The following SEL1L2 variants were observed in gnomAD, a reference collection of about 807,000 sequenced individuals.
SEL1L2 encodes the protein SEL1L2 adaptor subunit of SYVN1 ubiquitin ligase, also known as protein sel-1 homolog 2.
In SEL1L2, 89 loss-of-function variants were observed where a neutral mutation model predicts 98.8. The ratio of observed to expected loss-of-function variants is 0.90; its 90% CI spans 0.76 to 1.07. The LOEUF (loss-of-function observed/expected upper bound fraction) is 1.07. Ranked by LOEUF, SEL1L2 falls within the 50% of genes least tolerant of loss-of-function variation. The probability of loss-of-function intolerance (pLI) is 0.00; values close to 1 mark genes in which losing one functional copy is unlikely to be tolerated. For missense variants in SEL1L2, 788 were observed against 812.0 expected (o/e 0.97, Z 0.36); for synonymous variants, 262 against 278.5 (o/e 0.94, Z 0.59).
chr20:13,989,950 G>A, intron 1 of SEL1L2, among the ~76,000 whole-genome samples: 1 of 151,682 alleles, frequency 6.6e-6, no homozygotes, highest in African/African-American at 2.4e-5. Context: ...ATGAGGATTG[G>A]GTAAAAAGTA....
intron 4 of SEL1L2, among the ~76,000 whole-genome samples, chr20:13,918,380 G>A (rs1342055969): frequency 1.3e-5 from 2 of 152,146 alleles, no homozygotes; most frequent in African/African-American, 4.8e-5. Flanking sequence ...CTGGAAGTGT[G>A]GAGTGGAGGG....
chr20:13,869,341 C>T (rs1413385778), intron 14 of SEL1L2, among the ~76,000 whole-genome samples, 162 bp downstream of exon 14: 4 of 152,190 alleles, frequency 2.6e-5, no homozygotes, highest in Non-Finnish European at 4.4e-5. Context: ...CCCTCCCAAC[C>T]AGTGTCCTTT....
At chr20:13,921,320 T>C (rs913702952) in intron 3 of SEL1L2, among the ~76,000 whole-genome samples, 4 of 152,136 alleles carry the variant, frequency 2.6e-5, no homozygotes, top group Admixed American at 2.6e-4. Flanking sequence ...TACAGGTGCA[T>C]GCCACCACGC....
intron 4 of SEL1L2, among the ~76,000 whole-genome samples, chr20:13,917,786 CTTTTTTTTTTTTTTTTTT>C (rs5840588): frequency 0.079 from 4,016 of 50,722 alleles, 170 homozygotes; most frequent in Admixed American, 0.12. Flanking sequence ...TTCTTTCTTT[CTTTTTTTTTTTTTTTTTT>C]TTTTTTTTTT....
In SEL1L2 at chr20:13,965,949, T is replaced by C. The variant is rs575567946; in HGVS notation, c.59-9818A>G. On this transcript the variant is annotated intron_variant, in intron 1 of 19. Coordinates refer to ENST00000284951, the MANE Select transcript of SEL1L2 (RefSeq NM_025229.2). ...CCAGCTTGGGTGACAAGAGCAAGATTCTGTCTCAAAAAAAAAAAAAAAAAA... is the reference window on the plus strand; with the variant it reads ...CCAGCTTGGGTGACAAGAGCAAGATCCTGTCTCAAAAAAAAAAAAAAAAAA... Among the ~76,000 whole-genome samples, 598 of 130,782 alleles carry C rather than the reference T, an allele frequency of 4.6e-3. 1 individual carries two copies. The highest frequency in any genetic ancestry group is 0.011 in the East Asian group (49 of 4,550). The allele number at this position is 130,782 out of a possible 152,430, so 85.8% of individuals were successfully genotyped here.
chr20:13,906,377 A>G (rs2047931220), intron 5 of SEL1L2, among the ~76,000 whole-genome samples: 1 of 152,226 alleles, frequency 6.6e-6, no homozygotes, highest in South Asian at 2.1e-4. Context: ...TTATTATTAA[A>G]GGAGAAAAAA....
chr20:13,905,913 C>T (rs1421874757), intron 5 of SEL1L2, among the ~76,000 whole-genome samples: 26 of 140,726 alleles, frequency 1.8e-4, no homozygotes, highest in Admixed American at 1.4e-3. Context: ...TCACTCTTGA[C>T]GCCCAGGCTG....
intron 1 of SEL1L2, among the ~76,000 whole-genome samples, chr20:13,973,702 G>A (rs1355032282): frequency 6.6e-6 from 1 of 152,148 alleles, no homozygotes; most frequent in Non-Finnish European, 1.5e-5. Context: ...CACTTTATTA[G>A]AGTGGATTCT....
At chr20:13,866,623 C>T (rs1991076167) in intron 15 of SEL1L2, 79 bp downstream of exon 15, 1 of 1,158,076 alleles carries the variant, frequency 8.6e-7, no homozygotes, top group Non-Finnish European at 1.1e-6. Context: ...ATCAAAGACA[C>T]CAACAATTTA....
chr20:13,855,120 G>A (rs980284736), intron 18 of SEL1L2, among the ~76,000 whole-genome samples: 3 of 151,326 alleles, frequency 2.0e-5, no homozygotes, highest in Admixed American at 2.0e-4. Context: ...CATTGGAGCT[G>A]TTCTTTGAAA....
intron 3 of SEL1L2, among the ~76,000 whole-genome samples, chr20:13,929,288 C>A (rs1199361751): frequency 6.6e-6 from 1 of 151,926 alleles, no homozygotes; most frequent in Non-Finnish European, 1.5e-5. Flanking sequence ...CTGGTTGAAC[C>A]CTGACCACTA....
At position 13,990,485 on chromosome 20, in the gene SEL1L2, G is replaced by A. The variant is rs1041941210; in HGVS notation, c.50C>T (p.Thr17Ile). The change falls in exon 1 of 20, where the codon ACA becomes ATA. Residue 17 changes from threonine to isoleucine, a missense_variant. Physicochemically the swap from Thr to Ile is moderately conservative, Grantham distance 89 (BLOSUM62 -1). Coordinates refer to ENST00000284951, the MANE Select transcript of SEL1L2 (RefSeq NM_025229.2). ...LIEILIILGV[T>I]IKTIKAEEHN... is the part of the protein sequence containing the mutation. The stretch of plus-strand genomic sequence containing the variant: ...AGGACAAAAAAACTTACTTTTAATT[G>A]TGACCCCAAGAATTATCAATATCTC... 21 of 1,611,272 alleles carry A rather than the reference G, an allele frequency of 1.3e-5. No individual in the cohort carries two copies. The highest frequency in any genetic ancestry group is 1.8e-5 in the Non-Finnish European group (21 of 1,177,758).
chr20:13,913,956 A>G lies in SEL1L2; in HGVS notation c.387-12T>C, dbSNP rs758573988. ...AAAGTAGGTAGGCTCTGTTTCAAGA[A>G]TATAAAGTCAAGTTTGATTTTCAAA... On this transcript the variant is annotated splice_polypyrimidine_tract_variant and intron_variant, in intron 4 of 19. Transcript: ENST00000284951. 4 of 1,546,960 alleles carry G rather than the reference A, an allele frequency of 2.6e-6. No homozygotes were observed. In the Admixed American group the frequency reaches 7.1e-5, roughly 27 times the overall value.
intron 1 of SEL1L2, among the ~76,000 whole-genome samples, chr20:13,976,302 T>G (rs1216074568): frequency 6.6e-6 from 1 of 150,598 alleles, no homozygotes; most frequent in Non-Finnish European, 1.5e-5. Context: ...ACCCGGACTG[T>G]TTTTTTTTGT....
intron 5 of SEL1L2, among the ~76,000 whole-genome samples, chr20:13,901,637 T>G (rs957143204): frequency 4.0e-5 from 6 of 151,776 alleles, no homozygotes; most frequent in Non-Finnish European, 8.8e-5. Flanking sequence ...TGTGGAATCT[T>G]TTTTTTAAAT....
chr20:13,946,639 G>A (rs1292353771), intron 2 of SEL1L2, among the ~76,000 whole-genome samples: 3 of 152,364 alleles, frequency 2.0e-5, no homozygotes, highest in South Asian at 2.1e-4. Context: ...GACCCATTCC[G>A]AGTTGGCCAG....
chr20:13,977,270 C>T (rs766888471), intron 1 of SEL1L2, among the ~76,000 whole-genome samples: 7 of 152,080 alleles, frequency 4.6e-5, no homozygotes, highest in Non-Finnish European at 8.8e-5. Flanking sequence ...GCAAGAAAGC[C>T]AAGCACCGAA....
intron 4 of SEL1L2, chr20:13,915,158 G>A (rs1306290974): frequency 7.8e-7 from 1 of 1,289,720 alleles, no homozygotes; most frequent in East Asian, 5.5e-5. Context: ...GCTAAAATAA[G>A]CTGCTCTTGG....
At chr20:13,947,129 A>ATCCATGT (rs1412315611) in intron 2 of SEL1L2, among the ~76,000 whole-genome samples, 33 of 151,518 alleles carry the variant, frequency 2.2e-4, no homozygotes, top group Non-Finnish European at 1.5e-4. Flanking sequence ...GGGGGCCAGG[A>ATCCATGT]TCCATTCCGG....
Sources: allele counts gnomAD v4.1 joint callset (sites outside exome capture counted in the v4.1 genomes callset), GRCh38; gene constraint gnomAD v4.1.1; transcripts MANE v1.5; gene names NCBI Gene and HGNC (gene_info 2026-07-23, HGNC 2026-07-21).